Variants in ZNF536 observed in about 807,000 individuals in gnomAD.
ZNF536 encodes zinc finger protein 536.
In ZNF536, 13 loss-of-function variants were observed where a neutral mutation model predicts 84.5. The ratio of observed to expected loss-of-function variants is 0.15; its 90% CI spans 0.10 to 0.24. The LOEUF (loss-of-function observed/expected upper bound fraction) is 0.24, where lower values mean the gene tolerates loss of function less well. ZNF536 is among the 10% of genes least tolerant of loss of function. The probability of loss-of-function intolerance (pLI) is 1.00; values close to 1 mark genes in which losing one functional copy is unlikely to be tolerated. For missense variants in ZNF536, 1,536 were observed against 1,747.5 expected (o/e 0.88, Z 2.16); for synonymous variants, 811 against 742.5 (o/e 1.09, Z -1.50).
chr19:30,468,749 G>A (rs548596521), intron 2 of ZNF536, among the ~76,000 whole-genome samples: 5 of 152,276 alleles, frequency 3.3e-5, no homozygotes, highest in Admixed American at 1.3e-4. Context: ...GTAGAGCAGC[G>A]CTTGGGAGGG....
chr19:30,382,712 T>A (rs1224877829), intron 1 of ZNF536, among the ~76,000 whole-genome samples: 1 of 152,158 alleles, frequency 6.6e-6, no homozygotes, highest in Non-Finnish European at 1.5e-5. Context: ...TGGCAGAAGC[T>A]ACCGCAGAGG....
chr19:30,270,442 T>C (rs1488180696), intron 1 of ZNF536, among the ~76,000 whole-genome samples: 1 of 152,190 alleles, frequency 6.6e-6, no homozygotes, highest in African/African-American at 2.4e-5. Context: ...ATTTACTTGA[T>C]AGACAAAAGA....
At chr19:30,251,842 C>T (rs778813341) in intron 1 of ZNF536, among the ~76,000 whole-genome samples, 1 of 152,202 alleles carries the variant, frequency 6.6e-6, no homozygotes, top group Non-Finnish European at 1.5e-5. Context: ...GTTTGGTTTT[C>T]CATTCCTGAG....
At chr19:30,245,230 A>T (rs942867886) in intron 1 of ZNF536, among the ~76,000 whole-genome samples, 1 of 152,176 alleles carries the variant, frequency 6.6e-6, no homozygotes, top group Non-Finnish European at 1.5e-5. Flanking sequence ...ATCTTCAGGG[A>T]GGCCATTCCT....
rs186429849 is a variant in ZNF536, at chr19:30,646,384, G to A, written c.170-64373G>A. ...CACATGTTCACGACTGTGTGTACACGTGTCTAGGAGCACGAATGTGCACAA... is the reference window on the plus strand; with the variant it reads ...CACATGTTCACGACTGTGTGTACACATGTCTAGGAGCACGAATGTGCACAA... On this transcript the variant is annotated intron_variant, in intron 1 of 1. Coordinates refer to the ZNF536 transcript ENST00000592773. 6.6e-5 allele frequency among the ~76,000 whole-genome samples: 10 copies of A among 152,334 alleles called. No homozygotes were observed. In the East Asian group the frequency reaches 1.2e-3, roughly 18 times the overall value.
chr19:30,441,509 A>G (rs1053417212), intron 1 of ZNF536, among the ~76,000 whole-genome samples: 12 of 152,134 alleles, frequency 7.9e-5, no homozygotes, highest in African/African-American at 2.9e-4. Context: ...CTTGTCCACC[A>G]TCATGTCTCC....
chr19:30,353,857 T>C (rs1316376569), intron 3 of ZNF536, among the ~76,000 whole-genome samples: 1 of 152,182 alleles, frequency 6.6e-6, no homozygotes, highest in African/African-American at 2.4e-5. Flanking sequence ...GCCACGCGGA[T>C]GCTCACAGTT....
chr19:30,446,227 C>T (rs544662578), intron 2 of ZNF536, among the ~76,000 whole-genome samples: 8 of 107,508 alleles, frequency 7.4e-5, no homozygotes, highest in African/African-American at 2.6e-4. Flanking sequence ...CCAGCCTGAG[C>T]GACAGAGTGA....
Position 30,356,712 on chromosome 19 carries a change from T to C in ZNF536, c.-3+4228T>C, listed in dbSNP as rs1333494703. On this transcript the variant is annotated intron_variant, in intron 3 of 5. Transcript: ENST00000585628. ...AGAAAACCAAAATCAGAGATAATTT[T>C]AACTCTAGAGAGAAGATAGAGTGGA... 2.0e-5 allele frequency among the ~76,000 whole-genome samples: 3 copies of C among 152,366 alleles called. No individual in the cohort carries two copies. The East Asian group carries it at 5.8e-4, about 29-fold the overall frequency.
At chr19:30,694,261 G>A (rs904885343) in intron 1 of ZNF536, among the ~76,000 whole-genome samples, 1 of 152,174 alleles carries the variant, frequency 6.6e-6, no homozygotes, top group South Asian at 2.1e-4. Context: ...ACAATTAAGG[G>A]CTGATGTGTT....
At chr19:30,431,041 C>T (rs1791276869) in intron 1 of ZNF536, among the ~76,000 whole-genome samples, 1 of 152,224 alleles carries the variant, frequency 6.6e-6, no homozygotes. Flanking sequence ...TATCCATTCT[C>T]AAGTCACACT....
At chr19:30,588,468 AG>A (rs1258823142) in intron 1 of ZNF536, among the ~76,000 whole-genome samples, 1 of 152,160 alleles carries the variant, frequency 6.6e-6, no homozygotes, top group Admixed American at 6.5e-5. Flanking sequence ...AGAGGATGGG[AG>A]GTCCTGAAGC....
chr19:30,516,550 G>A (rs1237625503), intron 2 of ZNF536, among the ~76,000 whole-genome samples: 1 of 152,200 alleles, frequency 6.6e-6, no homozygotes, highest in Admixed American at 6.5e-5. Flanking sequence ...CCCTGGAGGA[G>A]ATGATAATGG....
At chr19:30,672,123 G>T (rs1342873686) in intron 1 of ZNF536, among the ~76,000 whole-genome samples, 1 of 152,256 alleles carries the variant, frequency 6.6e-6, no homozygotes, top group Non-Finnish European at 1.5e-5. Flanking sequence ...AAACAAGATA[G>T]ATTACTTGGC....
At chr19:30,683,946 C>T (rs1215603681) in intron 1 of ZNF536, among the ~76,000 whole-genome samples, 1 of 152,132 alleles carries the variant, frequency 6.6e-6, no homozygotes, top group Non-Finnish European at 1.5e-5. Flanking sequence ...GAATTCATGC[C>T]TTTAGTATTG....
chr19:30,332,912 T>C (rs1302876498), intron 2 of ZNF536, among the ~76,000 whole-genome samples: 1 of 152,168 alleles, frequency 6.6e-6, no homozygotes, highest in African/African-American at 2.4e-5. Flanking sequence ...GAAACCCATG[T>C]CTCTACAAAA....
intron 1 of ZNF536, among the ~76,000 whole-genome samples, chr19:30,571,220 G>T (rs929058788): frequency 6.6e-6 from 1 of 152,164 alleles, no homozygotes; most frequent in African/African-American, 2.4e-5. Context: ...GCTTCAGTGG[G>T]CTGGTTCGCT....
In ZNF536 at chr19:30,281,843, C is replaced by A. The variant is rs572699192; in HGVS notation, c.-189-2229C>A. Among the ~76,000 whole-genome samples the A allele has an allele frequency of 2.6e-3, 398 of 152,294 alleles. 2 individuals are homozygous for A. The highest frequency in any genetic ancestry group is 4.1e-3 in the Non-Finnish European group (277 of 68,012). On this transcript the variant is annotated intron_variant, in intron 1 of 5. Coordinates refer to the ZNF536 transcript ENST00000585628. ...TTCCCCTTCCCACCCCTACTCTGAG[C>A]TGCACCAAACTGGGCTCATGGACAG... is the stretch of plus-strand genomic sequence containing the variant.
intron 1 of ZNF536, among the ~76,000 whole-genome samples, chr19:30,623,041 T>G (rs1244286558): frequency 3.1e-5 from 4 of 127,884 alleles, no homozygotes; most frequent in Non-Finnish European, 6.4e-5. Flanking sequence ...TGTTTTTTTG[T>G]TTTTTTGTTT....
Sources: gnomAD v4.1 joint callset for allele counts (sites outside exome capture counted in the v4.1 genomes callset) on GRCh38, gnomAD v4.1.1 for gene constraint, MANE v1.5 for transcripts, NCBI Gene and HGNC (gene_info 2026-07-23, HGNC 2026-07-21) for gene names.